RYK: variants seen among roughly 807,000 people sequenced by gnomAD.
The protein encoded by RYK is receptor like tyrosine kinase, also known as inactive tyrosine-protein kinase RYK.
Under a neutral mutation model 70.2 loss-of-function variants are expected in RYK, and 21 were observed. The ratio of observed to expected loss-of-function variants is 0.30; its 90% CI spans 0.21 to 0.43. RYK has a LOEUF of 0.43. Ranked by LOEUF, RYK falls within the 20% of genes least tolerant of loss-of-function variation. The pLI is 1.00. For synonymous variants in RYK, 267 were observed against 278.0 expected (o/e 0.96, Z 0.39); for missense variants, 604 against 753.3 (o/e 0.80, Z 2.32).
intron 6 of RYK, among the ~76,000 whole-genome samples, chr3:134,196,131 C>T (rs1475886849): frequency 6.6e-6 from 1 of 151,930 alleles, no homozygotes; most frequent in Non-Finnish European, 1.5e-5. Context: ...AATTGTAAAC[C>T]TTGTGTTCAA....
In RYK at chr3:134,202,839, G is replaced by C. The variant is rs55740278; in HGVS notation, c.679C>G (p.Arg227Gly). 3 of 1,613,436 alleles carry C rather than the reference G, an allele frequency of 1.9e-6. No individual in the cohort carries two copies. The highest frequency in any genetic ancestry group is 2.5e-6 in the Non-Finnish European group (3 of 1,179,704). ...ACCCCTACACTAATATAAAACACAC[G>C]CGTAGAAGTGGTTGGAGCTGCATGT... The part of the protein sequence containing the change: ...PVHAAPTTST[R>G]VFYISVGVCC... The change falls in exon 6 of 15, where the codon CGT becomes GGT. Residue 227 changes from arginine (R) to glycine (G), a missense_variant. Transcript: ENST00000623711.
intron 10 of RYK, chr3:134,180,291 T>C (rs2013253214): frequency 6.6e-6 from 1 of 152,234 alleles, no homozygotes; most frequent in Non-Finnish European, 1.5e-5. Context: ...ATATCTTTTA[T>C]GTATACAGCT....
intron 1 of RYK, among the ~76,000 whole-genome samples, chr3:134,246,175 A>T (rs530919173): frequency 6.6e-6 from 1 of 152,102 alleles, no homozygotes; most frequent in South Asian, 2.1e-4. Flanking sequence ...ATTAAAATTG[A>T]GAACCATTCC....
Position 134,183,053 on chromosome 3 carries a change from T to A in RYK, c.1121A>T (p.Gln374Leu). 1.3e-6 allele frequency: 2 copies of A among 1,586,196 alleles called. No individual in the cohort carries two copies. Among genetic ancestry groups the A allele is most frequent in the East Asian group, 2.3e-5 (1 of 44,034 alleles). Residue 374 changes from glutamine (Q) to leucine (L), a missense_variant, in exon 10 of 15, where the codon CAG becomes CTG. Around this residue, in one of 2 missense-constraint regions of RYK, gnomAD observed 466 missense variants for 535.9 expected, o/e 0.87. Coordinates refer to ENST00000623711, the MANE Select transcript of RYK (RefSeq NM_002958.4). ...ACTTTCAGTGAGCATCATTGTCACCTGAATTTCAGAAGCTTGATCTATATA... is the reference window on the plus strand; with the variant it reads ...ACTTTCAGTGAGCATCATTGTCACCAGAATTTCAGAAGCTTGATCTATATA... Reference protein sequence around the residue: ...KTVKDQASEIQVTMMLTESCK... With the variant: ...KTVKDQASEILVTMMLTESCK...
intron 5 of RYK, among the ~76,000 whole-genome samples, chr3:134,204,700 CAG>C (rs1184451977): frequency 6.6e-6 from 1 of 151,504 alleles, no homozygotes; most frequent in East Asian, 1.9e-4. Flanking sequence ...AAGATGCAAA[CAG>C]AAGTAGAACT....
At chr3:134,198,701 T>C (rs1278865269) in intron 6 of RYK, among the ~76,000 whole-genome samples, 2 of 152,212 alleles carry the variant, frequency 1.3e-5, no homozygotes, top group Admixed American at 6.5e-5. Flanking sequence ...CCAGACAGAA[T>C]GGTCATTTCT....
intron 1 of RYK, among the ~76,000 whole-genome samples, chr3:134,246,303 T>TACACACACACACAC (rs71139521): frequency 3.4e-5 from 3 of 89,192 alleles, no homozygotes; most frequent in Non-Finnish European, 6.8e-5. Flanking sequence ...CAGAAAGAAA[T>TACACACACACACAC]ACACACACAC....
intron 10 of RYK, chr3:134,180,431 C>A (rs1248465658): frequency 6.6e-6 from 1 of 152,152 alleles, no homozygotes; most frequent in African/African-American, 2.4e-5. Context: ...AAACATGAAG[C>A]AAACATGCTG....
At chr3:134,194,058 C>T (rs1281309879) in intron 7 of RYK, among the ~76,000 whole-genome samples, 1 of 152,204 alleles carries the variant, frequency 6.6e-6, no homozygotes, top group Non-Finnish European at 1.5e-5. Context: ...TCCTTTCAAT[C>T]ACTGATGATC....
At chr3:134,160,303 C>T (rs1392930976) in intron 13 of RYK, among the ~76,000 whole-genome samples, 1 of 151,458 alleles carries the variant, frequency 6.6e-6, no homozygotes, top group Non-Finnish European at 1.5e-5. Flanking sequence ...AATAGCTTGC[C>T]CCAAAATACA....
chr3:134,192,753 T>C (rs1475841640), intron 7 of RYK, among the ~76,000 whole-genome samples: 3 of 152,300 alleles, frequency 2.0e-5, no homozygotes, highest in Non-Finnish European at 2.9e-5. Flanking sequence ...AGTGGACCTA[T>C]GCAATGATCA....
At position 134,244,988 on chromosome 3, in the gene RYK, C is replaced by T. The variant is rs574541831; in HGVS notation, c.232+5435G>A. On this transcript the variant is annotated intron_variant, in intron 1 of 14. Coordinates refer to ENST00000623711, the MANE Select transcript of RYK (RefSeq NM_002958.4). ...CATAAACCAGGAAGAGGGCTCTCAG[C>T]AGATATCAAATCTACCAAAGCCTTG... Among the ~76,000 whole-genome samples the T allele has an allele frequency of 3.9e-5, 6 of 152,326 alleles. 1 individual carries two copies. The South Asian group carries it at 1.0e-3, about 26-fold the overall frequency.
Position 134,233,581 on chromosome 3 carries a change from T to C in RYK, c.233-11042A>G, listed in dbSNP as rs1165499979. ...TAAACTACCAGCAACAGAGCAATAA[T>C]TAATAAACTGTAATACATCCAGAAG... On this transcript the variant is annotated intron_variant, in intron 1 of 14. Coordinates refer to ENST00000623711, the MANE Select transcript of RYK (RefSeq NM_002958.4). Among the ~76,000 whole-genome samples the C allele has an allele frequency of 7.9e-5, 12 of 152,126 alleles. 1 individual carries two copies. The highest frequency in any genetic ancestry group is 7.2e-4 in the Admixed American group (11 of 15,270).
At chr3:134,189,998 C>T (rs951596460) in intron 8 of RYK, among the ~76,000 whole-genome samples, 1 of 152,152 alleles carries the variant, frequency 6.6e-6, no homozygotes, top group Non-Finnish European at 1.5e-5. Context: ...TTTCACTTTG[C>T]TGCAGATACC....
At position 134,175,653 on chromosome 3, in the gene RYK, G is replaced by C. The variant is rs187302288; in HGVS notation, c.1531C>G (p.Leu511Val). 6.2e-7 allele frequency: 1 copy of C among 1,613,950 alleles called. No individual in the cohort carries two copies. The highest frequency in any genetic ancestry group is 1.7e-5 in the Admixed American group (1 of 60,012). Residue 511 changes from leucine (L) to valine (V), a missense_variant, in exon 13 of 15, where the codon CTT (leucine) becomes GTT (valine). Transcript: ENST00000623711. Reference protein sequence around the residue: ...NENRPVRWMALESLVNNEFSS... With the variant: ...NENRPVRWMAVESLVNNEFSS... ...AACTCGTTATTAACCAGACTTTCAAGAGCCATCCAACGAACTGGCCTGTTT... is the reference window on the plus strand; with the variant it reads ...AACTCGTTATTAACCAGACTTTCAACAGCCATCCAACGAACTGGCCTGTTT...
chr3:134,219,760 A>T (rs529532546), intron 2 of RYK, among the ~76,000 whole-genome samples: 111 of 152,292 alleles, frequency 7.3e-4, no homozygotes, highest in African/African-American at 2.5e-3. Context: ...TCCTTCTATA[A>T]CAGCCTTATT....
intron 8 of RYK, among the ~76,000 whole-genome samples, chr3:134,191,480 T>C (rs1267406924): frequency 1.2e-4 from 18 of 152,206 alleles, no homozygotes; most frequent in Non-Finnish European, 4.4e-5. Flanking sequence ...CCCAAGCCCA[T>C]GTCCATTCCT....
intron 9 of RYK, among the ~76,000 whole-genome samples, chr3:134,186,429 A>C (rs1366621719): frequency 6.6e-6 from 1 of 152,238 alleles, no homozygotes; most frequent in Non-Finnish European, 1.5e-5. Flanking sequence ...AGATTTGTGA[A>C]AGACCTTGGT....
intron 13 of RYK, 88 bp downstream of exon 13, chr3:134,175,521 A>T: frequency 2.0e-6 from 3 of 1,485,490 alleles, no homozygotes; most frequent in African/African-American, 1.4e-5. Flanking sequence ...CAGATTTTTT[A>T]AAAACCCAAA....
Sources: allele counts gnomAD v4.1 joint callset (sites outside exome capture counted in the v4.1 genomes callset), GRCh38; gene constraint gnomAD v4.1.1; regional missense constraint gnomAD v4.1.1; transcripts MANE v1.5; gene names NCBI Gene and HGNC (gene_info 2026-07-23, HGNC 2026-07-21).